The following DLG5 variants were observed in gnomAD, a reference collection of about 807,000 sequenced individuals.
DLG5 encodes disks large homolog 5.
Under a neutral mutation model 189.8 loss-of-function variants are expected in DLG5, and 48 were observed. The observed-to-expected ratio is 0.25, with a 90% CI of 0.20 to 0.32. The LOEUF is 0.32. DLG5 is among the 10% of genes least tolerant of loss of function. DLG5 has a pLI of 1.00. For missense variants in DLG5, 2,160 were observed against 2,544.7 expected, an observed-to-expected ratio of 0.85 and a Z score of 3.25; for synonymous variants, 1,016 against 1,054.1, an observed-to-expected ratio of 0.96 and a Z score of 0.70.
In DLG5 at chr10:77,919,500, A is replaced by G. The variant is rs572417745; in HGVS notation, c.304+6717T>C. Among the ~76,000 whole-genome samples the G allele has an allele frequency of 3.7e-3, 527 of 141,912 alleles. 5 individuals are homozygous for G. The highest frequency in any genetic ancestry group is 0.012 in the African/African-American group (462 of 38,998). The allele number at this position is 141,912 out of a possible 152,430, so 93.1% of individuals were successfully genotyped here. ...TCTGTTTTGACTGTTGAACTGGGGG[A>G]AAAAAAAAAAACAAGCACCAGGAAG... On this transcript the variant is annotated intron_variant, in intron 1 of 31. Transcript: ENST00000372391.
intron 13 of DLG5, among the ~76,000 whole-genome samples, chr10:77,828,160 A>G (rs1405247846): frequency 6.6e-6 from 1 of 152,210 alleles, no homozygotes. Context: ...ATAAACATTC[A>G]TGAGAATGTT....
upstream of DLG5, chr10:77,928,672 G>C (rs923624317): frequency 2.0e-5 from 3 of 152,246 alleles, no homozygotes; most frequent in East Asian, 5.8e-4. Context: ...GAGGAAGGAA[G>C]GTGAAAGTGG....
chr10:77,806,086 A>AT (rs1841456870), intron 26 of DLG5: 2 of 489,606 alleles, frequency 4.1e-6, no homozygotes, highest in Non-Finnish European at 7.2e-6. Flanking sequence ...AGAGCAGGCG[A>AT]TTTTTTCTAC....
At chr10:77,868,729 T>G (rs934017662) in intron 2 of DLG5, 1 of 242,628 alleles carries the variant, frequency 4.1e-6, no homozygotes, top group Non-Finnish European at 8.0e-6. Flanking sequence ...GAAACCCATA[T>G]TCAGAGAAAC....
chr10:77,821,034 T>C, intron 15 of DLG5, 48 bp downstream of exon 15: 4 of 1,547,476 alleles, frequency 2.6e-6, no homozygotes, highest in Non-Finnish European at 3.5e-6. Context: ...TTCGGCCAAC[T>C]GCCCCTCTCT....
Position 77,838,054 on chromosome 10 carries a change from G to A in DLG5, c.1438-2132C>T, listed in dbSNP as rs1843235613. Among the ~76,000 whole-genome samples, 4 of 152,168 alleles carry A rather than the reference G, an allele frequency of 2.6e-5. No homozygotes were observed. The South Asian group carries it at 8.3e-4, about 32-fold the overall frequency. ...CTCTGCTTCCTGGGAAGCTTCTCTT[G>A]CTACAACAGCCCTCTGCCTCTAAGT... On this transcript the variant is annotated intron_variant, in intron 7 of 31. Transcript: ENST00000372391.
chr10:77,837,409 C>T (rs961367834), intron 7 of DLG5, among the ~76,000 whole-genome samples: 15 of 152,054 alleles, frequency 9.9e-5, no homozygotes, highest in Non-Finnish European at 1.9e-4. Flanking sequence ...AGGAGGGAGG[C>T]CCCAGGTGCA....
chr10:77,917,346 A>G (rs1235268598), intron 1 of DLG5, among the ~76,000 whole-genome samples: 2 of 151,908 alleles, frequency 1.3e-5, no homozygotes, highest in African/African-American at 4.8e-5. Context: ...CATCTCAAAA[A>G]AAAACAAACA....
chr10:77,860,983 G>A (rs899722738), intron 2 of DLG5, among the ~76,000 whole-genome samples: 1 of 152,102 alleles, frequency 6.6e-6, no homozygotes, highest in Non-Finnish European at 1.5e-5. Context: ...GATTTTTTAT[G>A]AGACATTAAC....
At chr10:77,911,409 C>T (rs1272626539) in intron 1 of DLG5, among the ~76,000 whole-genome samples, 2 of 152,222 alleles carry the variant, frequency 1.3e-5, no homozygotes, top group African/African-American at 4.8e-5. Flanking sequence ...GCTACCACAC[C>T]TAGCCAGAAT....
chr10:77,817,863 A>G lies in DLG5; in HGVS notation c.3698T>C (p.Leu1233Pro). The G allele has an allele frequency of 6.4e-7, 1 of 1,552,642 alleles. No homozygotes were observed. Among genetic ancestry groups the G allele is most frequent in the Non-Finnish European group, 8.7e-7 (1 of 1,147,460 alleles). The change falls in exon 18 of 32, where the codon CTG becomes CCG. Residue 1233 changes from leucine (L) to proline (P), a missense_variant. Physicochemically the swap from Leu to Pro is moderately conservative, Grantham distance 98 (BLOSUM62 -3). Transcript: ENST00000372391. ...GCTGCAGGTCCTGTGGCTCAGGTCC[A>G]GGCTCAGGCGTCCCTGGTGCTGGAC... is the stretch of plus-strand genomic sequence containing the variant. The part of the protein sequence containing the change: ...PSVQHQGRLS[L>P]DLSHRTCSDY...
At position 77,791,641 on chromosome 10, in the gene DLG5, C is replaced by G. The variant is rs1398125538; in HGVS notation, c.*799G>C. 6.6e-6 allele frequency: 1 copy of G among 152,414 alleles called. No homozygotes were observed. The highest frequency in any genetic ancestry group is 1.9e-4 in the East Asian group (1 of 5,192). 9.4% of individuals were successfully genotyped at this position (152,414 alleles called of 1,614,324 possible). On this transcript the variant is annotated 3_prime_UTR_variant, in exon 32 of 32. Coordinates refer to ENST00000372391, the MANE Select transcript of DLG5 (RefSeq NM_004747.4). Reference sequence around the variant, plus strand: ...CTAAGGAGGACCCAATGGCAGGCATCAGCACAGCTGAACACCACCTGGACC... The same window carrying G: ...CTAAGGAGGACCCAATGGCAGGCATGAGCACAGCTGAACACCACCTGGACC...
In DLG5 at chr10:77,806,782, C is replaced by T. The variant is rs202147386; in HGVS notation, c.4943G>A (p.Arg1648His). ...CACATATTTGCTGGGAATCTGCCCG[C>T]GCTGGATCTTCTGGGCATTCTCGTC... ...QLDENAQKIQRGQIPSKYVMD... is the reference protein window; with the variant it reads ...QLDENAQKIQHGQIPSKYVMD... Residue 1648 changes from arginine to histidine, a missense_variant, in exon 26 of 32, where the codon CGC (arginine) becomes CAC (histidine). Arg to His is a conservative substitution (Grantham distance 29). This residue lies in a region of DLG5 where 574 missense variants were observed against 644.2 expected (regional missense o/e 0.89). Transcript: ENST00000372391. 8 of 1,613,230 alleles carry T rather than the reference C, an allele frequency of 5.0e-6. No individual in the cohort carries two copies. Among genetic ancestry groups the T allele is most frequent in the East Asian group, 4.5e-5 (2 of 44,806 alleles).
chr10:77,922,717 G>A (rs1846571866), intron 1 of DLG5, among the ~76,000 whole-genome samples: 1 of 152,004 alleles, frequency 6.6e-6, no homozygotes, highest in Non-Finnish European at 1.5e-5. Flanking sequence ...CATCTCCCTG[G>A]GGCTGCCACA....
intron 2 of DLG5, among the ~76,000 whole-genome samples, chr10:77,857,373 G>A (rs1844285637): frequency 6.6e-6 from 1 of 152,212 alleles, no homozygotes; most frequent in South Asian, 2.1e-4. Context: ...AGGGCAGCTG[G>A]GGCCCAAGGG....
At chr10:77,883,085 A>G (rs920546722) in intron 1 of DLG5, among the ~76,000 whole-genome samples, 2 of 152,180 alleles carry the variant, frequency 1.3e-5, no homozygotes, top group Non-Finnish European at 2.9e-5. Flanking sequence ...CTTGGAGTTC[A>G]AGAATGCCCA....
Position 77,896,551 on chromosome 10 carries a change from C to A in DLG5, c.305-27354G>T, listed in dbSNP as rs150753224. Among the ~76,000 whole-genome samples, 549 of 152,166 alleles carry A rather than the reference C, an allele frequency of 3.6e-3. 3 individuals carry two copies. Among genetic ancestry groups the A allele is most frequent in the South Asian group, 0.024 (117 of 4,818 alleles). ...TCTGCAGAGTGAGAAAGTAAAAAAG[C>A]AAATATGGCCCAGGCGCAGTAGCTC... On this transcript the variant is annotated intron_variant, in intron 1 of 31. Coordinates refer to ENST00000372391, the MANE Select transcript of DLG5 (RefSeq NM_004747.4).
At chr10:77,851,729 G>A (rs1214392367) in intron 5 of DLG5, among the ~76,000 whole-genome samples, 1 of 152,176 alleles carries the variant, frequency 6.6e-6, no homozygotes, top group African/African-American at 2.4e-5. Flanking sequence ...ATCGGAGAAA[G>A]GAAAATAAAC....
chr10:77,897,919 T>C (rs1306587691), intron 1 of DLG5, among the ~76,000 whole-genome samples: 1 of 151,378 alleles, frequency 6.6e-6, no homozygotes, highest in Non-Finnish European at 1.5e-5. Flanking sequence ...CACTGGAGAG[T>C]GGTAGAATTT....
Sources: gnomAD v4.1 joint callset for allele counts (sites outside exome capture counted in the v4.1 genomes callset) on GRCh38, gnomAD v4.1.1 for gene constraint, gnomAD v4.1.1 regional missense constraint, MANE v1.5 for transcripts, NCBI Gene and HGNC (gene_info 2026-07-23, HGNC 2026-07-21) for gene names.